The following MYH7B variants were observed in gnomAD, a reference collection of about 807,000 sequenced individuals.
The protein encoded by MYH7B is myosin heavy chain 7B, also known as myosin-7B.
MYH7B carries 205 observed loss-of-function variants against 234.5 expected under a neutral mutation model. That is an observed-to-expected ratio of 0.87 (90% CI 0.78 to 0.98). The LOEUF is 0.98. Among genes scored for constraint, MYH7B ranks in the 50% least tolerant of loss-of-function variants. The pLI is 0.00. For synonymous variants in MYH7B, 1,193 were observed against 1,105.0 expected (o/e 1.08, Z -1.58); for missense variants, 2,652 against 2,633.4 (o/e 1.01, Z -0.15).
rs375392993 is a variant in MYH7B at position 34,979,497 on chromosome 20, G to A, written c.198+1G>A. 2.6e-5 allele frequency: 42 copies of A among 1,611,024 alleles called. No individual in the cohort carries two copies. The Admixed American group carries it at 3.5e-4, about 13-fold the overall frequency. ...CACCGTGGAGACCAAAGACCAGAAG[G>A]TTCCGTTCCCCCTTTCCTGAGATTA... is the stretch of plus-strand genomic sequence containing the variant. On this transcript the variant is annotated splice_donor_variant, in intron 6 of 44. Transcript: ENST00000262873. LOFTEE classifies it high-confidence loss of function.
chr20:34,960,847 C>G (rs1054977787), intron 2 of MYH7B, among the ~76,000 whole-genome samples: 2 of 152,216 alleles, frequency 1.3e-5, no homozygotes, highest in African/African-American at 4.8e-5. Flanking sequence ...GTCCCTGACA[C>G]TTTATATGTG....
In MYH7B at chr20:34,987,544, C is replaced by CGT. The variant is rs1569043822; in HGVS notation, c.1148-11_1148-10dup. 6.2e-7 allele frequency: 1 copy of CGT among 1,603,642 alleles called. No homozygotes were observed. The highest frequency in any genetic ancestry group is 1.7e-5 in the Admixed American group (1 of 59,650). ...TGGTGTCCTCCTCCCTTACCCCACT[C>CGT]GTGCCCTGCCAGGTGCTGACAAGGC... On this transcript the variant is annotated splice_polypyrimidine_tract_variant and intron_variant, in intron 16 of 44. Transcript: ENST00000262873.
intron 19 of MYH7B, among the ~76,000 whole-genome samples, chr20:34,988,763 A>G (rs1432917164): frequency 6.6e-6 from 1 of 151,718 alleles, no homozygotes; most frequent in East Asian, 1.9e-4. Context: ...TATCACAGCC[A>G]GTCACATGAC....
At chr20:34,983,708 G>A (rs973865172) in intron 10 of MYH7B, among the ~76,000 whole-genome samples, 5 of 152,190 alleles carry the variant, frequency 3.3e-5, no homozygotes, top group Non-Finnish European at 7.3e-5. Context: ...GGCCAAACGG[G>A]CTAGAGAGAG....
At chr20:34,958,742 G>C (rs761717836) in intron 2 of MYH7B, among the ~76,000 whole-genome samples, 4 of 152,202 alleles carry the variant, frequency 2.6e-5, no homozygotes, top group Non-Finnish European at 4.4e-5. Flanking sequence ...GGGATTACAG[G>C]CGTGAGCCAC....
chr20:34,966,273 C>T (rs1024109627), intron 2 of MYH7B, among the ~76,000 whole-genome samples: 1 of 152,202 alleles, frequency 6.6e-6, no homozygotes, highest in Admixed American at 6.5e-5. Context: ...AACTGTGGCG[C>T]ATCCATACAT....
chr20:35,001,973 C>T, exon 44 of MYH7B: 1 of 1,613,688 alleles, frequency 6.2e-7, no homozygotes, highest in Non-Finnish European at 8.5e-7. Context: ...ACCAACCTGG[C>T]CAAGTATCGC....
In MYH7B at chr20:34,997,180, G is replaced by C. The variant is rs2082276739; in HGVS notation, c.3357+7G>C. On this transcript the variant is annotated splice_region_variant and intron_variant, in intron 31 of 44. Transcript: ENST00000262873. Reference sequence around the variant, plus strand: ...GAAGATCAAGGAGCTGCAGGTGCGTGGGGATCGGGTGGGTGAGGCCTGGGG... The same window carrying C: ...GAAGATCAAGGAGCTGCAGGTGCGTCGGGATCGGGTGGGTGAGGCCTGGGG... 1.9e-6 allele frequency: 3 copies of C among 1,550,358 alleles called. No homozygotes were observed. The highest frequency in any genetic ancestry group is 1.7e-6 in the Non-Finnish European group (2 of 1,147,274).
chr20:34,992,471 C>T (rs2082172758), intron 24 of MYH7B, among the ~76,000 whole-genome samples: 1 of 151,224 alleles, frequency 6.6e-6, no homozygotes, highest in African/African-American at 2.4e-5. Flanking sequence ...TATTTTTTGC[C>T]TTTAAAAAAA....
At chr20:34,990,234 C>T (rs61745053) in exon 22 of MYH7B, 1 of 1,614,176 alleles carries the variant, frequency 6.2e-7, no homozygotes. Context: ...TCTCTATTAG[C>T]TGAGCCCCCC....
intron 2 of MYH7B, among the ~76,000 whole-genome samples, chr20:34,971,396 C>G (rs1018516974): frequency 2.6e-5 from 4 of 152,134 alleles, no homozygotes; most frequent in African/African-American, 9.7e-5. Flanking sequence ...TTCCCCACCC[C>G]CTCCCCCCAG....
In MYH7B at chr20:34,984,563, C is replaced by T. The variant is rs2081986222; in HGVS notation, c.625-129C>T. The T allele has an allele frequency of 5.1e-6, 4 of 777,226 alleles. No individual in the cohort carries two copies. The African/African-American group carries it at 7.1e-5, about 14-fold the overall frequency. 48.1% of individuals were successfully genotyped at this position (777,226 alleles called of 1,614,324 possible). Reference sequence around the variant, plus strand: ...CAGGCCGAGGGGCTGAGGGTGGGGGCCATGCATTCCGGTGACTAACTCCAC... The same window carrying T: ...CAGGCCGAGGGGCTGAGGGTGGGGGTCATGCATTCCGGTGACTAACTCCAC... On this transcript the variant is annotated intron_variant, in intron 10 of 44. Transcript: ENST00000262873.
chr20:34,990,244 C>A, exon 22 of MYH7B: 1 of 1,614,170 alleles, frequency 6.2e-7, no homozygotes, highest in Non-Finnish European at 8.5e-7. Flanking sequence ...CTGAGCCCCC[C>A]AAGTCTGGGG....
exon 10 of MYH7B, chr20:34,982,543 G>A (rs202137083): frequency 1.6e-5 from 25 of 1,606,176 alleles, no homozygotes; most frequent in African/African-American, 8.0e-5. Flanking sequence ...GAGACGGGCC[G>A]GGCAAGAAGG....
At position 34,982,567 on chromosome 20, in the gene MYH7B, C is replaced by T. The variant is rs1319253767; in HGVS notation, c.624+12C>T. On this transcript the variant is annotated intron_variant, in intron 10 of 44. Coordinates refer to ENST00000262873, the Ensembl canonical transcript of MYH7B. ...CGGGCAAGAAGGCCGTAAGACTTGC[C>T]CACTCGGGCATGCTCCCCGTTGCTT... 6.3e-7 allele frequency: 1 copy of T among 1,577,634 alleles called. No individual in the cohort carries two copies. The highest frequency in any genetic ancestry group is 8.6e-7 in the Non-Finnish European group (1 of 1,157,764).
intron 13 of MYH7B, 115 bp downstream of exon 13, chr20:34,985,244 AC>A: frequency 1.0e-6 from 1 of 963,844 alleles, no homozygotes; most frequent in East Asian, 2.5e-5. Flanking sequence ...ACTTCTCTCT[AC>A]CCCCTGGCTG....
At chr20:34,977,535 A>G in intron 3 of MYH7B, 97 bp from the exon 4 acceptor site, 2 of 1,160,320 alleles carry the variant, frequency 1.7e-6, no homozygotes, top group Non-Finnish European at 2.5e-6. Flanking sequence ...GCTGGTGGAG[A>G]TAAAAGGGAA....
At position 34,979,768 on chromosome 20, in the gene MYH7B, C is replaced by CA; in HGVS notation, c.308dup (p.Asn103LysfsTer81). Reference sequence around the variant, plus strand: ...ACCTGAACGAGGCCTCTGTGCTGCACAACCTGCGCCAGCGCTATGCCCGCT... The same window carrying CA: ...ACCTGAACGAGGCCTCTGTGCTGCACAAACCTGCGCCAGCGCTATGCCCGCT... On this transcript the variant is annotated frameshift_variant, in exon 7 of 45. Transcript: ENST00000262873. LOFTEE classifies it high-confidence loss of function. 1 of 1,614,132 alleles carries CA rather than the reference C, an allele frequency of 6.2e-7. No homozygotes were observed. Among genetic ancestry groups the CA allele is most frequent in the Non-Finnish European group, 8.5e-7 (1 of 1,180,030 alleles).
At chr20:34,990,097 G>C (rs749565117) in exon 21 of MYH7B, 1 of 1,614,056 alleles carries the variant, frequency 6.2e-7, no homozygotes, top group African/African-American at 1.3e-5. Context: ...AGAAGTCACA[G>C]AATAGGCTCC....
Sources: allele counts gnomAD v4.1 joint callset (sites outside exome capture counted in the v4.1 genomes callset), GRCh38; gene constraint gnomAD v4.1.1; transcripts MANE v1.5; gene names NCBI Gene and HGNC (gene_info 2026-07-23, HGNC 2026-07-21).